The following SAMD5 variants were observed in gnomAD, a reference collection of about 807,000 sequenced individuals.
The protein encoded by SAMD5 is sterile alpha motif domain-containing protein 5.
SAMD5 carries 13 observed loss-of-function variants against 11.3 expected under a neutral mutation model. The ratio of observed to expected loss-of-function variants is 1.15; its 90% CI spans 0.75 to 1.83. SAMD5 has a LOEUF of 1.83. SAMD5 is among the 40% of genes most tolerant of loss of function. SAMD5 has a pLI of 0.00. For missense variants in SAMD5, 255 were observed against 239.1 expected, an observed-to-expected ratio of 1.07 and a Z score of -0.44; for synonymous variants, 129 against 111.3, an observed-to-expected ratio of 1.16 and a Z score of -1.00.
At chr6:147,544,829 G>A (rs1788661525) in intron 1 of SAMD5, among the ~76,000 whole-genome samples, 1 of 152,164 alleles carries the variant, frequency 6.6e-6, no homozygotes, top group South Asian at 2.1e-4. Flanking sequence ...ACCAAATTTG[G>A]CAGTGTAAAA....
At chr6:147,884,788 G>A in the SAMD5 span, among the ~76,000 whole-genome samples, 54,897 of 151,814 alleles carry the variant, frequency 0.36, 10,042 homozygotes, top group South Asian at 0.48. Flanking sequence ...TGGCATTCAT[G>A]GTTACCTGAC....
At chr6:147,806,300 G>A in the SAMD5 span, among the ~76,000 whole-genome samples, 1 of 85,732 alleles carries the variant, frequency 1.2e-5, no homozygotes, top group South Asian at 4.9e-4. Flanking sequence ...ACGAGTGTGC[G>A]CATGCGCGCG....
chr6:147,951,351 T>A, the SAMD5 span, among the ~76,000 whole-genome samples: 2 of 151,948 alleles, frequency 1.3e-5, no homozygotes, highest in African/African-American at 4.8e-5. Flanking sequence ...CCGGCTAATT[T>A]TTGTATTTTT....
At chr6:147,918,904 A>G in the SAMD5 span, among the ~76,000 whole-genome samples, 1 of 151,874 alleles carries the variant, frequency 6.6e-6, no homozygotes, top group Admixed American at 6.6e-5. Context: ...ACAGGGTTTC[A>G]CCGTGTTAGC....
At chr6:147,868,033 G>A in the SAMD5 span, among the ~76,000 whole-genome samples, 1 of 152,184 alleles carries the variant, frequency 6.6e-6, no homozygotes, top group African/African-American at 2.4e-5. Flanking sequence ...TTGCAAGAGG[G>A]TTGGAGGGAA....
At chr6:147,640,615 C>T (rs1790298724) in intron 1 of SAMD5, among the ~76,000 whole-genome samples, 1 of 150,902 alleles carries the variant, frequency 6.6e-6, no homozygotes. Flanking sequence ...AAGTTTTTCT[C>T]ACATATTGAA....
At chr6:147,570,100 A>G (rs551766056), downstream of SAMD5, 20 of 779,462 alleles carry the variant, frequency 2.6e-5, no homozygotes, top group East Asian at 2.3e-3. Context: ...AATTGACAAT[A>G]TGTAAATATT....
At chr6:147,623,388 T>C (rs971330544) in intron 1 of SAMD5, among the ~76,000 whole-genome samples, 5 of 152,236 alleles carry the variant, frequency 3.3e-5, no homozygotes, top group Admixed American at 2.0e-4. Flanking sequence ...CACTACTTGA[T>C]TATCAAAGGA....
At chr6:147,740,517 C>T (rs898153455), downstream of SAMD5, among the ~76,000 whole-genome samples, 7 of 152,160 alleles carry the variant, frequency 4.6e-5, no homozygotes, top group Non-Finnish European at 8.8e-5. Context: ...ACAGAACTTC[C>T]TTTCAGTGAA....
At chr6:147,809,957 G>A in the SAMD5 span, among the ~76,000 whole-genome samples, 1 of 152,102 alleles carries the variant, frequency 6.6e-6, no homozygotes, top group Non-Finnish European at 1.5e-5. Flanking sequence ...TTGTACCTCT[G>A]GTCCCTAGCC....
Position 147,564,392 on chromosome 6 carries a change from A to C in SAMD5, c.460-2A>C, listed in dbSNP as rs753848329. 2.6e-6 allele frequency: 2 copies of C among 780,750 alleles called. No homozygotes were observed. The highest frequency in any genetic ancestry group is 2.7e-5 in the South Asian group (2 of 74,578). 48.4% of individuals were successfully genotyped at this position (780,750 alleles called of 1,614,324 possible). A position where few individuals can be genotyped will look rare whatever the true frequency, so the allele number is the denominator to read the frequency against. On this transcript the variant is annotated splice_acceptor_variant, in intron 1 of 1. Transcript: ENST00000367474. LOFTEE classifies it high-confidence loss of function. ...ATAACCCAGATATGTTCAAATCCAC[A>C]GGTCCCAATGGCTGGCATCCTAGAG...
chr6:147,521,191 G>A (rs1583066322), intron 1 of SAMD5, among the ~76,000 whole-genome samples: 1 of 151,920 alleles, frequency 6.6e-6, no homozygotes, highest in Non-Finnish European at 1.5e-5. Flanking sequence ...ATCATTCTTT[G>A]AATTACATTT....
chr6:147,682,330 G>A (rs1790951630), intron 1 of SAMD5, among the ~76,000 whole-genome samples: 2 of 152,184 alleles, frequency 1.3e-5, no homozygotes, highest in South Asian at 4.1e-4. Context: ...TCAAGTGGGA[G>A]GATAAATGCG....
rs187220109 is a variant in SAMD5, at chr6:147,519,749, A to G, written c.459+10362A>G. Among the ~76,000 whole-genome samples, 47 of 152,336 alleles carry G rather than the reference A, an allele frequency of 3.1e-4. 1 individual carries two copies. The highest frequency in any genetic ancestry group is 4.4e-4 in the Non-Finnish European group (30 of 68,044). Reference sequence around the variant, plus strand: ...GGCCTCTGAATTAACTTCCATGTAGAATACAATGCTTATTAAAGGACACGT... The same window carrying G: ...GGCCTCTGAATTAACTTCCATGTAGGATACAATGCTTATTAAAGGACACGT... On this transcript the variant is annotated intron_variant, in intron 1 of 1. Coordinates refer to ENST00000367474, the MANE Select transcript of SAMD5 (RefSeq NM_001030060.3).
chr6:147,634,542 A>G (rs1790196775), intron 1 of SAMD5, among the ~76,000 whole-genome samples: 1 of 152,244 alleles, frequency 6.6e-6, no homozygotes, highest in African/African-American at 2.4e-5. Flanking sequence ...ACATTGTGAC[A>G]CGTATCAGAA....
chr6:147,618,129 T>C (rs999842709), intron 1 of SAMD5, among the ~76,000 whole-genome samples: 1 of 152,210 alleles, frequency 6.6e-6, no homozygotes, highest in Non-Finnish European at 1.5e-5. Context: ...GTGAGGAAAC[T>C]GATATAACTA....
At chr6:147,739,111 A>G (rs1426513751), downstream of SAMD5, among the ~76,000 whole-genome samples, 2 of 152,186 alleles carry the variant, frequency 1.3e-5, no homozygotes, top group Non-Finnish European at 2.9e-5. Context: ...GGGAAAAAGC[A>G]TCACAGTAAT....
At chr6:147,536,356 T>A (rs1788509225) in intron 1 of SAMD5, among the ~76,000 whole-genome samples, 1 of 152,226 alleles carries the variant, frequency 6.6e-6, no homozygotes, top group African/African-American at 2.4e-5. Flanking sequence ...AAATAGTTTT[T>A]AAATTCTGGA....
At chr6:147,722,198 G>A (rs896657823) in intron 1 of SAMD5, among the ~76,000 whole-genome samples, 3 of 151,850 alleles carry the variant, frequency 2.0e-5, no homozygotes, top group Non-Finnish European at 4.4e-5. Flanking sequence ...ACCCAACCTT[G>A]CCAATACCAG....
Sources: allele counts gnomAD v4.1 joint callset (sites outside exome capture counted in the v4.1 genomes callset), GRCh38; gene constraint gnomAD v4.1.1; transcripts MANE v1.5; gene names NCBI Gene and HGNC (gene_info 2026-07-23, HGNC 2026-07-21).